Variants in LY75 observed in about 807,000 individuals in gnomAD.
LY75 encodes the protein C-type lectin domain family 13 member B.
LY75 carries 185 observed loss-of-function variants against 231.7 expected under a neutral mutation model. The observed-to-expected ratio is 0.80, with a 90% CI of 0.71 to 0.90. The LOEUF is 0.90. Among genes scored for constraint, LY75 ranks in the 40% least tolerant of loss-of-function variants. LY75 has a pLI of 0.00. For missense variants in LY75, 1,947 were observed against 2,050.2 expected (o/e 0.95, Z 0.97); for synonymous variants, 668 against 689.0 (o/e 0.97, Z 0.48).
chr2:159,876,046 A>C (rs1210879084), intron 11 of LY75, among the ~76,000 whole-genome samples: 1 of 152,206 alleles, frequency 6.6e-6, no homozygotes, highest in Non-Finnish European at 1.5e-5. Context: ...AGCAGTTTTT[A>C]AGAAACTTAG....
At chr2:159,828,362 C>T (rs1344636189) in intron 28 of LY75, among the ~76,000 whole-genome samples, 1 of 151,840 alleles carries the variant, frequency 6.6e-6, no homozygotes, top group Non-Finnish European at 1.5e-5. Flanking sequence ...ATAGGGATTT[C>T]CCCAAAGGTG....
chr2:159,810,686 G>C lies in LY75; in HGVS notation c.4550-11C>G, dbSNP rs369513798. 1 of 1,606,910 alleles carries C rather than the reference G, an allele frequency of 6.2e-7. No individual in the cohort carries two copies. The highest frequency in any genetic ancestry group is 8.5e-7 in the Non-Finnish European group (1 of 1,178,162). On this transcript the variant is annotated splice_polypyrimidine_tract_variant and intron_variant, in intron 31 of 34. Coordinates refer to ENST00000263636, the MANE Select transcript of LY75 (RefSeq NM_002349.4). Reference sequence around the variant, plus strand: ...GGGACAGCTTTTTAGCTATAAAAATGTTAGACACAGTTGTAACAATGCATG... The same window carrying C: ...GGGACAGCTTTTTAGCTATAAAAATCTTAGACACAGTTGTAACAATGCATG...
chr2:159,831,586 G>T, intron 28 of LY75, 84 bp downstream of exon 28: 1 of 1,417,472 alleles, frequency 7.1e-7, no homozygotes, highest in Non-Finnish European at 9.8e-7. Flanking sequence ...TGATAGACAT[G>T]TACTTTGAAG....
In LY75 at chr2:159,832,340, T is replaced by A. The variant is rs141583348; in HGVS notation, c.3842-554A>T. ...CTGTGGCATTAGATTGACAGAGGAG[T>A]GCAAACCCTCTTGTGAACTATGCAT... is the stretch of plus-strand genomic sequence containing the variant. On this transcript the variant is annotated intron_variant, in intron 27 of 34. Transcript: ENST00000263636. Among the ~76,000 whole-genome samples the A allele has an allele frequency of 7.2e-5, 11 of 152,214 alleles. No homozygotes were observed. In the East Asian group the frequency reaches 2.1e-3, roughly 29 times the overall value.
chr2:159,851,341 T>C (rs1479121594), intron 21 of LY75, among the ~76,000 whole-genome samples: 2 of 152,150 alleles, frequency 1.3e-5, no homozygotes, highest in Non-Finnish European at 2.9e-5. Context: ...CCTTGAAATA[T>C]CTTACAAAAA....
At chr2:159,808,258 C>T (rs917312779) in intron 33 of LY75, 191 bp downstream of exon 33, 2 of 773,534 alleles carry the variant, frequency 2.6e-6, no homozygotes, top group South Asian at 5.8e-5. Flanking sequence ...TAGTGGTTTC[C>T]GTCATTGCTA....
intron 32 of LY75, among the ~76,000 whole-genome samples, chr2:159,810,074 C>A (rs1162690271): frequency 2.0e-5 from 3 of 152,044 alleles, no homozygotes; most frequent in Admixed American, 2.0e-4. Flanking sequence ...TGCTCTGTCA[C>A]CCAGGCTGGA....
intron 16 of LY75, among the ~76,000 whole-genome samples, chr2:159,855,746 C>T (rs1370620541): frequency 4.6e-5 from 7 of 152,220 alleles, no homozygotes; most frequent in African/African-American, 1.4e-4. Context: ...GGACCAGGCA[C>T]AGGGAAGTTC....
intron 23 of LY75, among the ~76,000 whole-genome samples, chr2:159,845,434 C>T (rs956611607): frequency 2.0e-5 from 3 of 151,600 alleles, no homozygotes; most frequent in African/African-American, 7.3e-5. Flanking sequence ...AAATATTTCT[C>T]ATATATATAA....
intron 4 of LY75, among the ~76,000 whole-genome samples, chr2:159,887,252 T>TACAC (rs1574594578): frequency 1.9e-5 from 1 of 53,038 alleles, no homozygotes; most frequent in Non-Finnish European, 6.0e-5. Flanking sequence ...CACACACACG[T>TACAC]GGTACAGTGG....
chr2:159,846,015 C>T (rs1414497366), intron 23 of LY75, among the ~76,000 whole-genome samples: 2 of 150,658 alleles, frequency 1.3e-5, no homozygotes, highest in African/African-American at 4.9e-5. Context: ...CCAGGCTGGT[C>T]TCTGGTCTCA....
At chr2:159,859,865 G>T (rs899593424) in intron 15 of LY75, among the ~76,000 whole-genome samples, 1 of 152,176 alleles carries the variant, frequency 6.6e-6, no homozygotes, top group Non-Finnish European at 1.5e-5. Context: ...GTTAATCAGT[G>T]TTAGCTGCTC....
chr2:159,853,430 T>C, intron 19 of LY75, 78 bp from the exon 20 acceptor site: 2 of 1,536,600 alleles, frequency 1.3e-6, no homozygotes, highest in Non-Finnish European at 1.8e-6. Context: ...TAAGTTATTT[T>C]ATTTCTAAAT....
In LY75 at chr2:159,808,586, C is replaced by T. The variant is rs756083444; in HGVS notation, c.4700-15G>A. ...TGCAGAGTGATCTGTTGAAAGAAAA[C>T]ACATTCTCAATTAGCTTTATGGAAA... On this transcript the variant is annotated splice_polypyrimidine_tract_variant and intron_variant, in intron 32 of 34. Coordinates refer to ENST00000263636, the MANE Select transcript of LY75 (RefSeq NM_002349.4). 3 of 1,612,066 alleles carry T rather than the reference C, an allele frequency of 1.9e-6. No individual in the cohort carries two copies. The highest frequency in any genetic ancestry group is 3.3e-5 in the Admixed American group (2 of 59,970).
chr2:159,854,658 G>T, intron 17 of LY75, 123 bp from the exon 18 acceptor site: 3 of 1,256,806 alleles, frequency 2.4e-6, no homozygotes, highest in Admixed American at 5.0e-5. Flanking sequence ...TCTGGCTGGG[G>T]CAGTACTGAC....
At position 159,864,892 on chromosome 2, in the gene LY75, T is replaced by C. The variant is rs768201742; in HGVS notation, c.2146A>G (p.Asn716Asp). ...SGQHWLWIGL[N>D]KRSPDLQGSW... ...CCTTGTAAATCTGGGCTCCTTTTATTCAAACCAATCCACAGCCAATGCTGG... is the reference window on the plus strand; with the variant it reads ...CCTTGTAAATCTGGGCTCCTTTTATCCAAACCAATCCACAGCCAATGCTGG... The change falls in exon 14 of 35, where the codon AAT (asparagine) becomes GAT (aspartate). Residue 716 changes from asparagine to aspartate, a missense_variant. By Grantham distance (23) the Asn-to-Asp change is conservative (BLOSUM62 1). Coordinates refer to ENST00000263636, the MANE Select transcript of LY75 (RefSeq NM_002349.4). The C allele has an allele frequency of 8.2e-5, 132 of 1,605,406 alleles. No homozygotes were observed. The highest frequency in any genetic ancestry group is 1.0e-4 in the Non-Finnish European group (122 of 1,175,938).
At chr2:159,896,235 G>C (rs1327428994) in intron 2 of LY75, among the ~76,000 whole-genome samples, 5 of 152,088 alleles carry the variant, frequency 3.3e-5, no homozygotes, top group Admixed American at 6.6e-5. Flanking sequence ...GTGAGATCAA[G>C]GTATCTTAAT....
chr2:159,816,716 GT>G (rs1560063514), intron 30 of LY75, 89 bp downstream of exon 30: 4 of 1,543,338 alleles, frequency 2.6e-6, no homozygotes. Flanking sequence ...TTCATCTAAT[GT>G]TGTACTTTGT....
intron 28 of LY75, among the ~76,000 whole-genome samples, chr2:159,830,436 T>A (rs1428151722): frequency 6.6e-6 from 1 of 152,162 alleles, no homozygotes; most frequent in East Asian, 1.9e-4. Flanking sequence ...TCTTTCTAAA[T>A]GCTCAGAAGC....
Sources: gnomAD v4.1 joint callset for allele counts (sites outside exome capture counted in the v4.1 genomes callset) on GRCh38, gnomAD v4.1.1 for gene constraint, MANE v1.5 for transcripts, NCBI Gene and HGNC (gene_info 2026-07-23, HGNC 2026-07-21) for gene names.